Variants in THADA observed in about 807,000 individuals in gnomAD.
The protein encoded by THADA is THADA armadillo repeat containing, also known as tRNA (32-2'-O)-methyltransferase regulator THADA.
A neutral mutation model predicts 219.8 loss-of-function variants in THADA; 213 were observed. The ratio of observed to expected loss-of-function variants is 0.97; its 90% CI spans 0.87 to 1.09. The LOEUF (loss-of-function observed/expected upper bound fraction) is 1.09. Among genes scored for constraint, THADA ranks in the 50% least tolerant of loss-of-function variants. The pLI, the probability that THADA is intolerant of heterozygous loss-of-function variation, is 0.00. For synonymous variants in THADA, 1,018 were observed against 828.9 expected, an observed-to-expected ratio of 1.23 and a Z score of -3.92; for missense variants, 2,956 against 2,311.3, an observed-to-expected ratio of 1.28 and a Z score of -5.72.
rs558997006 is a variant in THADA, at chr2:43,292,988, T to A, written c.4664A>T (p.Glu1555Val). ...FSQLLESAFP[E>V]VRSLTLEALL... ...GGCTTCCAGTGTTAGTGAGCGCACT[T>A]CAGGGAAGGCAGATTCTAACAGCTG... The change falls in exon 32 of 38, where the codon GAA becomes GTA. Residue 1555 changes from glutamate to valine, a missense_variant. Coordinates refer to ENST00000405975, the MANE Select transcript of THADA (RefSeq NM_022065.5). 16 of 1,613,982 alleles carry A rather than the reference T, an allele frequency of 9.9e-6. No individual in the cohort carries two copies. In the Admixed American group the frequency reaches 2.0e-4, roughly 20 times the overall value.
chr2:43,297,393 A>C (rs1572963063), intron 31 of THADA, among the ~76,000 whole-genome samples: 3 of 87,234 alleles, frequency 3.4e-5, no homozygotes, highest in Admixed American at 1.9e-4. Flanking sequence ...CAGCCACCCC[A>C]TCTGGGAAGT....
chr2:43,464,380 T>G (rs992943788), intron 26 of THADA, among the ~76,000 whole-genome samples: 1 of 152,192 alleles, frequency 6.6e-6, no homozygotes, highest in Non-Finnish European at 1.5e-5. Context: ...TTTGAATCAA[T>G]CAATGAATAC....
At chr2:43,466,147 G>A (rs1684205492) in intron 26 of THADA, among the ~76,000 whole-genome samples, 1 of 152,168 alleles carries the variant, frequency 6.6e-6, no homozygotes, top group Non-Finnish European at 1.5e-5. Context: ...TTCCCAAAGT[G>A]TGTCCTATAA....
chr2:43,448,160 C>T (rs1281629534), intron 26 of THADA, among the ~76,000 whole-genome samples: 3 of 152,310 alleles, frequency 2.0e-5, no homozygotes, highest in South Asian at 2.1e-4. Context: ...GCACTAGGAA[C>T]CTGTGTTCTC....
intron 37 of THADA, 69 bp from the exon 38 acceptor site, chr2:43,231,412 C>CAGTA: frequency 4.9e-6 from 7 of 1,430,512 alleles, no homozygotes; most frequent in Non-Finnish European, 6.5e-6. Context: ...CCAGACCAAG[C>CAGTA]AGTACCCTGC....
intron 28 of THADA, among the ~76,000 whole-genome samples, chr2:43,419,993 C>G (rs1160795368): frequency 5.3e-5 from 8 of 152,198 alleles, no homozygotes; most frequent in Admixed American, 5.2e-4. Flanking sequence ...CAAGTGGAAG[C>G]AAAGCTCTTT....
At chr2:43,476,418 G>C (rs1282878620) in intron 26 of THADA, among the ~76,000 whole-genome samples, 1 of 152,140 alleles carries the variant, frequency 6.6e-6, no homozygotes, top group African/African-American at 2.4e-5. Flanking sequence ...AGGGAAATCG[G>C]AGTCTCTGAT....
At chr2:43,248,158 TATATATAGAG>T (rs1221943195) in intron 36 of THADA, among the ~76,000 whole-genome samples, 326 of 64,946 alleles carry the variant, frequency 5.0e-3, no homozygotes, top group Middle Eastern at 6.8e-3. Context: ...TATATATATA[TATATATAGAG>T]AGAGAGAGAG....
intron 29 of THADA, among the ~76,000 whole-genome samples, chr2:43,382,592 A>G (rs1168207740): frequency 6.6e-6 from 1 of 152,224 alleles, no homozygotes; most frequent in African/African-American, 2.4e-5. Flanking sequence ...TTAAGCCAAA[A>G]GGCATTAACA....
At chr2:43,261,389 A>G (rs1408173456) in intron 36 of THADA, among the ~76,000 whole-genome samples, 1 of 150,618 alleles carries the variant, frequency 6.6e-6, no homozygotes, top group Non-Finnish European at 1.5e-5. Flanking sequence ...ATGCCCAGCT[A>G]ATTTTTGTAT....
intron 31 of THADA, among the ~76,000 whole-genome samples, chr2:43,310,717 A>G (rs543427357): frequency 6.6e-6 from 1 of 152,336 alleles, no homozygotes; most frequent in African/African-American, 2.4e-5. Flanking sequence ...ACAAGCAATA[A>G]AAAACAGATA....
At chr2:43,283,830 GA>G (rs1452164088) in intron 35 of THADA, among the ~76,000 whole-genome samples, 1 of 152,208 alleles carries the variant, frequency 6.6e-6, no homozygotes, top group African/African-American at 2.4e-5. Flanking sequence ...TGGTACAAAA[GA>G]AAAACCCATT....
At chr2:43,460,238 T>TAAAAAAAAA (rs10560565) in intron 26 of THADA, among the ~76,000 whole-genome samples, 1 of 63,538 alleles carries the variant, frequency 1.6e-5, no homozygotes, top group Non-Finnish European at 2.9e-5. Flanking sequence ...TTTCTCTTAA[T>TAAAAAAAAA]AAAAAAAAAA....
chr2:43,481,623 T>A (rs1233429320), intron 26 of THADA, among the ~76,000 whole-genome samples: 1 of 152,210 alleles, frequency 6.6e-6, no homozygotes, highest in East Asian at 1.9e-4. Flanking sequence ...ATATGGTGTC[T>A]CCTATTTGTA....
At chr2:43,585,419 G>C (rs1700902841) in intron 7 of THADA, among the ~76,000 whole-genome samples, 1 of 151,584 alleles carries the variant, frequency 6.6e-6, no homozygotes, top group Admixed American at 6.6e-5. Context: ...TTGGGAGACT[G>C]AGGTGGGAGT....
chr2:43,521,105 G>A (rs1182461892), intron 22 of THADA, among the ~76,000 whole-genome samples: 1 of 136,644 alleles, frequency 7.3e-6, no homozygotes, highest in Non-Finnish European at 1.6e-5. Context: ...GGAAAGAGAG[G>A]GAAGGGAGGG....
At chr2:43,393,445 G>A (rs1022411552) in intron 29 of THADA, among the ~76,000 whole-genome samples, 2 of 152,104 alleles carry the variant, frequency 1.3e-5, no homozygotes, top group African/African-American at 4.8e-5. Context: ...GGTGGCTCAC[G>A]CCCGTAATCC....
At chr2:43,331,006 T>C (rs965627732) in intron 30 of THADA, among the ~76,000 whole-genome samples, 2 of 152,204 alleles carry the variant, frequency 1.3e-5, no homozygotes, top group Admixed American at 1.3e-4. Flanking sequence ...TGTTTTGAAA[T>C]AGGGAGTTAG....
At chr2:43,457,908 A>G (rs1253157641) in intron 26 of THADA, among the ~76,000 whole-genome samples, 1 of 151,910 alleles carries the variant, frequency 6.6e-6, no homozygotes, top group African/African-American at 2.4e-5. Context: ...CTGCACATAC[A>G]CTGAGGATGA....
Sources: allele counts gnomAD v4.1 joint callset (sites outside exome capture counted in the v4.1 genomes callset), GRCh38; gene constraint gnomAD v4.1.1; transcripts MANE v1.5; gene names NCBI Gene and HGNC (gene_info 2026-07-23, HGNC 2026-07-21).